RAD54L2: variants seen among roughly 807,000 people sequenced by gnomAD.
RAD54L2 encodes the protein RAD54 like 2.
In RAD54L2, 27 loss-of-function variants were observed where a neutral mutation model predicts 138.4. The observed-to-expected ratio is 0.20, with a 90% CI of 0.14 to 0.27. The LOEUF is 0.27. Ranked by LOEUF, RAD54L2 falls within the 10% of genes least tolerant of loss-of-function variation. RAD54L2 has a pLI of 1.00. For synonymous variants in RAD54L2, 644 were observed against 723.2 expected, an observed-to-expected ratio of 0.89 and a Z score of 1.76; for missense variants, 1,396 against 1,890.2, an observed-to-expected ratio of 0.74 and a Z score of 4.85.
At chr3:51,655,651 T>G (rs1046893805) in intron 19 of RAD54L2, among the ~76,000 whole-genome samples, 5 of 152,192 alleles carry the variant, frequency 3.3e-5, no homozygotes, top group African/African-American at 1.2e-4. Context: ...CTGACTTCCC[T>G]TTAGGGACTA....
In RAD54L2 at chr3:51,663,159, C is replaced by G. The variant is rs1260759200; in HGVS notation, c.4143C>G (p.Ser1381Arg). 1.2e-5 allele frequency: 20 copies of G among 1,613,982 alleles called. No homozygotes were observed. Among genetic ancestry groups the G allele is most frequent in the Non-Finnish European group, 1.5e-5 (18 of 1,179,884 alleles). The part of the protein sequence containing the change: ...LNPSVPGILP[S>R]YSLPFSQPLL... ...CTTCTGTGCCAGGGATACTACCCAG[C>G]TATTCACTCCCATTCTCACAGCCAC... is the stretch of plus-strand genomic sequence containing the variant. Residue 1381 changes from serine to arginine, a missense_variant, in exon 23 of 23, where the codon AGC (serine) becomes AGG (arginine). Coordinates refer to ENST00000684192, the MANE Select transcript of RAD54L2 (RefSeq NM_015106.4).
chr3:51,628,248 G>A (rs544381729), intron 4 of RAD54L2, among the ~76,000 whole-genome samples: 10 of 151,286 alleles, frequency 6.6e-5, no homozygotes, highest in African/African-American at 2.2e-4. Context: ...ATAACAATGC[G>A]TGCCATTGAA....
chr3:51,604,916 CT>C (rs1559633173), intron 3 of RAD54L2, among the ~76,000 whole-genome samples: 1 of 151,846 alleles, frequency 6.6e-6, no homozygotes, highest in Admixed American at 6.6e-5. Flanking sequence ...TTCCAGTGGT[CT>C]TTTTTCTTTT....
intron 3 of RAD54L2, chr3:51,611,709 C>A (rs1413039659): frequency 6.6e-6 from 1 of 152,114 alleles, no homozygotes; most frequent in Admixed American, 6.6e-5. Context: ...CAGGTGCCAG[C>A]CACCACGCCC....
intron 2 of RAD54L2, among the ~76,000 whole-genome samples, chr3:51,580,420 T>C (rs1699580579): frequency 6.6e-6 from 1 of 152,196 alleles, no homozygotes; most frequent in Non-Finnish European, 1.5e-5. Flanking sequence ...TGTTCAATAA[T>C]TTTTATAGAG....
At chr3:51,586,130 A>G (rs1056440890) in intron 2 of RAD54L2, among the ~76,000 whole-genome samples, 1 of 151,776 alleles carries the variant, frequency 6.6e-6, no homozygotes, top group Non-Finnish European at 1.5e-5. Flanking sequence ...TGTGTGTGTG[A>G]GGGTGGAGCC....
At chr3:51,641,687 C>A in intron 14 of RAD54L2, 62 bp from the exon 15 acceptor site, 1 of 1,104,460 alleles carries the variant, frequency 9.1e-7, no homozygotes, top group South Asian at 1.4e-5. Context: ...GAGTATGGAC[C>A]TATTGGGAAC....
In RAD54L2 at chr3:51,643,890, C is replaced by T; in HGVS notation, c.2366C>T (p.Thr789Ile). 1 of 1,606,296 alleles carries T rather than the reference C, an allele frequency of 6.2e-7. No homozygotes were observed. The highest frequency in any genetic ancestry group is 8.5e-7 in the Non-Finnish European group (1 of 1,176,286). ...NISYFRLDGS[T>I]PAFERERLIN... ...TCCTTCCTAGGGCTAGATGGTAGCA[C>T]CCCTGCCTTTGAGAGGGAGCGGCTT... Residue 789 changes from threonine (T) to isoleucine (I), a missense_variant, in exon 16 of 23, where the codon ACC (threonine) becomes ATC (isoleucine). Thr to Ile is a moderately conservative substitution (Grantham distance 89). Around this residue, in one of 7 missense-constraint regions of RAD54L2, gnomAD observed 211 missense variants for 273.8 expected, o/e 0.77. Coordinates refer to ENST00000684192, the MANE Select transcript of RAD54L2 (RefSeq NM_015106.4).
At chr3:51,598,556 A>C (rs1700019883) in intron 3 of RAD54L2, among the ~76,000 whole-genome samples, 1 of 152,062 alleles carries the variant, frequency 6.6e-6, no homozygotes. Context: ...GGAGTTCGAG[A>C]CCAGCCTGGT....
At chr3:51,606,211 AGT>A (rs887595349) in intron 3 of RAD54L2, among the ~76,000 whole-genome samples, 14 of 152,222 alleles carry the variant, frequency 9.2e-5, no homozygotes, top group African/African-American at 3.4e-4. Context: ...GGATAGGTGT[AGT>A]GTCTTAAAAG....
intron 19 of RAD54L2, 86 bp from the exon 20 acceptor site, chr3:51,655,885 G>A (rs573720922): frequency 1.7e-6 from 2 of 1,195,042 alleles, no homozygotes; most frequent in African/African-American, 3.1e-5. Context: ...TGTAGAATGG[G>A]GCAGCCTAGA....
In RAD54L2 at chr3:51,636,478, G is replaced by A. The variant is rs746383892; in HGVS notation, c.1340-683G>A. ...GCCAGCCCTCAGATGGAGTCAAGAC[G>A]CTGGCAATGGTGAGAGCCTACTAAA... On this transcript the variant is annotated intron_variant, in intron 10 of 22. Coordinates refer to ENST00000684192, the MANE Select transcript of RAD54L2 (RefSeq NM_015106.4). 1.7e-4 allele frequency among the ~76,000 whole-genome samples: 26 copies of A among 152,176 alleles called. 1 individual carries two copies. The highest frequency in any genetic ancestry group is 4.1e-4 in the South Asian group (2 of 4,832).
chr3:51,569,625 G>A (rs1001804229), intron 2 of RAD54L2, among the ~76,000 whole-genome samples: 3 of 151,856 alleles, frequency 2.0e-5, no homozygotes, highest in African/African-American at 4.8e-5. Flanking sequence ...CTCATGATCC[G>A]CCTGCCTTGG....
intron 2 of RAD54L2, among the ~76,000 whole-genome samples, chr3:51,578,704 A>C (rs976724889): frequency 2.6e-5 from 4 of 152,136 alleles, no homozygotes; most frequent in African/African-American, 9.7e-5. Context: ...TGGGAAGAGC[A>C]AACTCTTTAC....
At position 51,664,647 on chromosome 3, in the gene RAD54L2, G is replaced by A. The variant is rs1176150096; in HGVS notation, c.*1227G>A. 1 of 152,128 alleles carries A rather than the reference G, an allele frequency of 6.6e-6. No homozygotes were observed. Among genetic ancestry groups the A allele is most frequent in the South Asian group, 2.1e-4 (1 of 4,824 alleles). The allele number at this position is 152,128 out of a possible 1,614,324, so 9.4% of individuals were successfully genotyped here. A position where few individuals can be genotyped will look rare whatever the true frequency, so the allele number is the denominator to read the frequency against. On this transcript the variant is annotated 3_prime_UTR_variant, in exon 23 of 23. Coordinates refer to ENST00000684192, the MANE Select transcript of RAD54L2 (RefSeq NM_015106.4). Reference sequence around the variant, plus strand: ...CCACTGGTGAAAAACAATCCTGGATGGATGGTAAATTGACCAGGGGAAGAG... The same window carrying A: ...CCACTGGTGAAAAACAATCCTGGATAGATGGTAAATTGACCAGGGGAAGAG...
At position 51,644,976 on chromosome 3, in the gene RAD54L2, C is replaced by T. The variant is rs182289678; in HGVS notation, c.2451-48C>T. The T allele has an allele frequency of 2.0e-3, 3,161 of 1,603,454 alleles. 12 individuals are homozygous for T. The highest frequency in any genetic ancestry group is 3.0e-3 in the Admixed American group (178 of 59,966). ...ACAGAGGGCAAAACTGATTTGAAAA[C>T]CTTTTTTAAGACTAAAGGCTCTGTG... On this transcript the variant is annotated intron_variant, in intron 16 of 22. Coordinates refer to ENST00000684192, the MANE Select transcript of RAD54L2 (RefSeq NM_015106.4).
chr3:51,658,813 G>C (rs1701674490), intron 21 of RAD54L2, among the ~76,000 whole-genome samples: 1 of 152,098 alleles, frequency 6.6e-6, no homozygotes, highest in Non-Finnish European at 1.5e-5. Context: ...CTAGTTTATA[G>C]CTGGGGTCAC....
In RAD54L2 at chr3:51,572,447, C is replaced by T. The variant is rs1202162136; in HGVS notation, c.-54-17920C>T. ...TAGCCTGGGTTTCAGAGTGAGACTC[C>T]GTCTTAAAAAAAAAAAAAAAAAAGG... On this transcript the variant is annotated intron_variant, in intron 2 of 22. Transcript: ENST00000684192. Among the ~76,000 whole-genome samples, 12 of 142,894 alleles carry T rather than the reference C, an allele frequency of 8.4e-5. No individual in the cohort carries two copies. In the East Asian group the frequency reaches 1.0e-3, roughly 12 times the overall value. The allele number at this position is 142,894 out of a possible 152,430, so 93.7% of individuals were successfully genotyped here.
intron 2 of RAD54L2, among the ~76,000 whole-genome samples, chr3:51,571,943 C>T (rs1383676425): frequency 6.6e-6 from 1 of 151,986 alleles, no homozygotes; most frequent in Non-Finnish European, 1.5e-5. Context: ...ATATACTTTT[C>T]CCCAGAGAAT....
Sources: gnomAD v4.1 joint callset for allele counts (sites outside exome capture counted in the v4.1 genomes callset) on GRCh38, gnomAD v4.1.1 for gene constraint, gnomAD v4.1.1 regional missense constraint, MANE v1.5 for transcripts, NCBI Gene and HGNC (gene_info 2026-07-23, HGNC 2026-07-21) for gene names.